The following CHST12 variants were observed in gnomAD, a reference collection of about 807,000 sequenced individuals.
The protein encoded by CHST12 is carbohydrate (chondroitin 4) sulfotransferase 12.
A neutral mutation model predicts 27.9 loss-of-function variants in CHST12; 23 were observed. The observed-to-expected ratio is 0.82, with a 90% CI of 0.59 to 1.17. The LOEUF (loss-of-function observed/expected upper bound fraction) is 1.17. CHST12 is among the 50% of genes most tolerant of loss of function. The probability of loss-of-function intolerance (pLI) is 0.00; values close to 1 mark genes in which losing one functional copy is unlikely to be tolerated. For missense variants in CHST12, 682 were observed against 603.0 expected (o/e 1.13, Z -1.37); for synonymous variants, 322 against 273.0 (o/e 1.18, Z -1.77).
Position 2,433,530 on chromosome 7 carries a change from G to A in CHST12, c.891G>A (p.Lys297=), listed in dbSNP as rs1562521259. 1 of 1,613,030 alleles carries A rather than the reference G, an allele frequency of 6.2e-7. No individual in the cohort carries two copies. The highest frequency in any genetic ancestry group is 8.5e-7 in the Non-Finnish European group (1 of 1,179,950). Reference sequence around the variant, plus strand: ...GCGAGGCCTTCCGCGCTGGCCTCAAGGTGTCCTTCGCCAACTTCATCCAGT... The same window carrying A: ...GCGAGGCCTTCCGCGCTGGCCTCAAAGTGTCCTTCGCCAACTTCATCCAGT... ...SAREAFRAGL[K]VSFANFIQYL... The change falls in exon 2 of 2, where the codon AAG becomes AAA. Residue 297 remains lysine (K), a synonymous_variant. Transcript: ENST00000618655. The surrounding 1 kb of genome is among the most constrained non-coding windows in gnomAD (Gnocchi z 6.1).
At position 2,445,468 on chromosome 7, in the gene CHST12, C is replaced by A. The variant is rs138353139; in HGVS notation, c.*11584C>A. On this transcript the variant is annotated 3_prime_UTR_variant, in exon 2 of 2. Coordinates refer to ENST00000618655, the MANE Select transcript of CHST12 (RefSeq NM_018641.5). ...GTTCCTACGGGCCTCTTTCTTTTTC[C>A]TTTTTGAGACGGAATCTCACTGTGT... 1.1e-3 allele frequency: 166 copies of A among 152,326 alleles called. 1 individual carries two copies. The Middle Eastern group carries it at 0.031, about 28-fold the overall frequency. The allele number at this position is 152,326 out of a possible 1,614,324, so 9.4% of individuals were successfully genotyped here.
chr7:2,423,060 G>C (rs1349899795), intron 1 of CHST12, among the ~76,000 whole-genome samples: 1 of 151,744 alleles, frequency 6.6e-6, no homozygotes, highest in Non-Finnish European at 1.5e-5. Context: ...TGGATCACTC[G>C]AGGCCAGGAG....
At chr7:2,409,745 T>G (rs1346642380) in intron 1 of CHST12, among the ~76,000 whole-genome samples, 1 of 152,204 alleles carries the variant, frequency 6.6e-6, no homozygotes, top group Non-Finnish European at 1.5e-5. Flanking sequence ...TTCATGGATA[T>G]GTATGTGTGG....
At chr7:2,426,341 G>A (rs1165444216) in intron 1 of CHST12, among the ~76,000 whole-genome samples, 1 of 152,194 alleles carries the variant, frequency 6.6e-6, no homozygotes, top group Non-Finnish European at 1.5e-5. Context: ...CCTACCATGT[G>A]CATGCACGTG....
Position 2,444,922 on chromosome 7 carries a change from C to T in CHST12, c.*11038C>T, listed in dbSNP as rs951306524. 1 of 152,054 alleles carries T rather than the reference C, an allele frequency of 6.6e-6. No individual in the cohort carries two copies. Among genetic ancestry groups the T allele is most frequent in the Non-Finnish European group, 1.5e-5 (1 of 68,012 alleles). 9.4% of individuals were successfully genotyped at this position (152,054 alleles called of 1,614,324 possible). ...TTTTTCAAAGCAGTTTGCAAAATAACCGGGGCCTTAAAAAACAATCTGGAT... is the reference window on the plus strand; with the variant it reads ...TTTTTCAAAGCAGTTTGCAAAATAATCGGGGCCTTAAAAAACAATCTGGAT... On this transcript the variant is annotated 3_prime_UTR_variant, in exon 2 of 2. Coordinates refer to ENST00000618655, the MANE Select transcript of CHST12 (RefSeq NM_018641.5).
Position 2,408,042 on chromosome 7 carries a change from A to G in CHST12, c.-78+4369A>G, listed in dbSNP as rs567986947. On this transcript the variant is annotated intron_variant, in intron 1 of 1. Coordinates refer to ENST00000618655, the MANE Select transcript of CHST12 (RefSeq NM_018641.5). ...GGAGGGGAAGGATTTATTTGAAAGC[A>G]TGTCTGCAGCTGTTGACCCCAGAAT... 3.3e-5 allele frequency among the ~76,000 whole-genome samples: 5 copies of G among 152,302 alleles called. No homozygotes were observed. In the South Asian group the frequency reaches 1.0e-3, roughly 32 times the overall value.
intron 1 of CHST12, among the ~76,000 whole-genome samples, chr7:2,419,269 C>T (rs549888403): frequency 9.2e-5 from 14 of 152,064 alleles, no homozygotes; most frequent in Admixed American, 5.2e-4. Flanking sequence ...ATTAGCCAGG[C>T]GTGGTGGTGC....
At position 2,413,854 on chromosome 7, in the gene CHST12, G is replaced by A. The variant is rs531318948; in HGVS notation, c.-78+10181G>A. Among the ~76,000 whole-genome samples the A allele has an allele frequency of 3.7e-3, 549 of 148,744 alleles. 2 individuals are homozygous for A. The highest frequency in any genetic ancestry group is 5.9e-3 in the Non-Finnish European group (401 of 67,520). On this transcript the variant is annotated intron_variant, in intron 1 of 1. Transcript: ENST00000618655. ...AGTGATTCTCCTGCCTCAGCCTCCC[G>A]AGTAGCTGGGATCACAGGCACCCAC...
intron 1 of CHST12, among the ~76,000 whole-genome samples, chr7:2,418,928 C>G (rs1197569761): frequency 1.3e-5 from 2 of 152,180 alleles, no homozygotes; most frequent in African/African-American, 4.8e-5. Context: ...TCCAGAGTAA[C>G]TGGGACCACA....
rs912615146 is a variant in CHST12, at chr7:2,448,087, C to T, written c.*14203C>T. 1.3e-5 allele frequency: 2 copies of T among 152,172 alleles called. No individual in the cohort carries two copies. The highest frequency in any genetic ancestry group is 4.1e-4 in the South Asian group (2 of 4,826). 9.4% of individuals were successfully genotyped at this position (152,172 alleles called of 1,614,324 possible). A position where few individuals can be genotyped will look rare whatever the true frequency, so the allele number is the denominator to read the frequency against. On this transcript the variant is annotated 3_prime_UTR_variant, in exon 2 of 2. Transcript: ENST00000618655. ...TTCGCCATGTGGGTCGGGCTGGTCT[C>T]GAACTCCTGGTCTCAAGTGATCCGC...
chr7:2,409,082 G>A (rs780138056), intron 1 of CHST12, among the ~76,000 whole-genome samples: 1 of 152,188 alleles, frequency 6.6e-6, no homozygotes, highest in Non-Finnish European at 1.5e-5. Flanking sequence ...TGCGGGAAAC[G>A]AAAAATAATT....
At chr7:2,426,874 C>G (rs1397111344) in intron 1 of CHST12, among the ~76,000 whole-genome samples, 1 of 152,052 alleles carries the variant, frequency 6.6e-6, no homozygotes, top group African/African-American at 2.4e-5. Context: ...ACCTGTAATC[C>G]TAGCTGCCTG....
At position 2,434,616 on chromosome 7, in the gene CHST12, A is replaced by AAAAAAT. The variant is rs1782427279; in HGVS notation, c.*732_*733insAAAAAT. ...AAAAAAAAAAAAAAAAAAAAAAAAA[A>AAAAAAT]TGAGTCGGGTGTGGTGGTGTGCACC... On this transcript the variant is annotated 3_prime_UTR_variant, in exon 2 of 2. Coordinates refer to ENST00000618655, the MANE Select transcript of CHST12 (RefSeq NM_018641.5). 1 of 128,190 alleles carries AAAAAAT rather than the reference A, an allele frequency of 7.8e-6. No homozygotes were observed. The highest frequency in any genetic ancestry group is 3.5e-5 in the African/African-American group (1 of 28,206). The allele number at this position is 128,190 out of a possible 1,614,324, so 7.9% of individuals were successfully genotyped here. A position where few individuals can be genotyped will look rare whatever the true frequency, so the allele number is the denominator to read the frequency against.
intron 1 of CHST12, among the ~76,000 whole-genome samples, chr7:2,427,915 C>G (rs1782170147): frequency 6.6e-6 from 1 of 151,830 alleles, no homozygotes; most frequent in African/African-American, 2.4e-5. Context: ...CTCCCAGATT[C>G]AAGCGATTCT....
rs1330838121 is a variant in CHST12, at chr7:2,436,405, A to C, written c.*2521A>C. 1 of 152,196 alleles carries C rather than the reference A, an allele frequency of 6.6e-6. No individual in the cohort carries two copies. The highest frequency in any genetic ancestry group is 1.5e-5 in the Non-Finnish European group (1 of 68,042). The allele number at this position is 152,196 out of a possible 1,614,324, so 9.4% of individuals were successfully genotyped here. A position where few individuals can be genotyped will look rare whatever the true frequency, so the allele number is the denominator to read the frequency against. ...GGGACTGAAGTACTTCACCTCATGC[A>C]ATGTCCTCTAGGTTCATCGGTGTCG... is the stretch of plus-strand genomic sequence containing the variant. On this transcript the variant is annotated 3_prime_UTR_variant, in exon 2 of 2. Transcript: ENST00000618655.
At chr7:2,422,436 G>A (rs1349585296) in intron 1 of CHST12, among the ~76,000 whole-genome samples, 2 of 151,840 alleles carry the variant, frequency 1.3e-5, no homozygotes, top group African/African-American at 4.8e-5. Context: ...TAGAGACAGG[G>A]TTTCTCCGTT....
intron 1 of CHST12, among the ~76,000 whole-genome samples, chr7:2,412,767 A>T (rs929590479): frequency 6.6e-6 from 1 of 152,238 alleles, no homozygotes; most frequent in East Asian, 1.9e-4. Context: ...GTCTGTAGCT[A>T]CTTTTCCCAG....
At chr7:2,422,576 A>C (rs1782006249) in intron 1 of CHST12, among the ~76,000 whole-genome samples, 1 of 136,898 alleles carries the variant, frequency 7.3e-6, no homozygotes, top group Non-Finnish European at 1.6e-5. Context: ...TTGTTCCGTC[A>C]CCAGGCTGGA....
intron 1 of CHST12, among the ~76,000 whole-genome samples, chr7:2,418,655 C>T (rs1046872612): frequency 6.6e-6 from 1 of 152,212 alleles, no homozygotes; most frequent in African/African-American, 2.4e-5. Context: ...AGTGCTCAGC[C>T]CAGCGGTTCT....
Sources: allele counts gnomAD v4.1 joint callset (sites outside exome capture counted in the v4.1 genomes callset), GRCh38; gene constraint gnomAD v4.1.1; non-coding constraint Gnocchi (gnomAD v3.1); transcripts MANE v1.5; gene names NCBI Gene and HGNC (gene_info 2026-07-23, HGNC 2026-07-21).